Variants in GPR158 observed in about 807,000 individuals in gnomAD.
GPR158 encodes G protein-coupled receptor 158, also known as metabotropic glycine receptor.
GPR158 carries 30 observed loss-of-function variants against 78.2 expected under a neutral mutation model. That is an observed-to-expected ratio of 0.38 (90% CI 0.29 to 0.52). GPR158 has a LOEUF of 0.52. Among genes scored for constraint, GPR158 ranks in the 20% least tolerant of loss-of-function variants. The probability of loss-of-function intolerance (pLI) is 0.83; values close to 1 mark genes in which losing one functional copy is unlikely to be tolerated. For missense variants in GPR158, 1,463 were observed against 1,523.5 expected (o/e 0.96, Z 0.66); for synonymous variants, 581 against 591.1 (o/e 0.98, Z 0.25).
intron 7 of GPR158, among the ~76,000 whole-genome samples, chr10:25,582,397 A>G (rs1837214672): frequency 6.6e-6 from 1 of 152,218 alleles, no homozygotes; most frequent in Admixed American, 6.5e-5. Flanking sequence ...TGTATATGCC[A>G]GAGAGAGAAC....
chr10:25,590,108 G>A (rs955092205), intron 8 of GPR158, among the ~76,000 whole-genome samples: 1 of 152,028 alleles, frequency 6.6e-6, no homozygotes, highest in Non-Finnish European at 1.5e-5. Context: ...TGGGTCTGGG[G>A]GAATTTTGTA....
intron 5 of GPR158, among the ~76,000 whole-genome samples, chr10:25,505,119 A>G (rs188302442): frequency 1.1e-4 from 16 of 152,340 alleles, no homozygotes; most frequent in African/African-American, 3.8e-4. Flanking sequence ...TGTGCCTAAC[A>G]CATAATAGAC....
intron 1 of GPR158, among the ~76,000 whole-genome samples, chr10:25,194,953 T>G (rs1239576285): frequency 6.6e-6 from 1 of 152,184 alleles, no homozygotes; most frequent in Non-Finnish European, 1.5e-5. Context: ...AGTAAAAGAA[T>G]TCTCTGCTTT....
chr10:25,205,813 G>T (rs1183872417), intron 1 of GPR158, among the ~76,000 whole-genome samples: 1 of 148,348 alleles, frequency 6.7e-6, no homozygotes, highest in Non-Finnish European at 1.5e-5. Flanking sequence ...TATCATTTTA[G>T]TTTTTTTTTT....
At chr10:25,299,365 G>A (rs67069034) in intron 2 of GPR158, among the ~76,000 whole-genome samples, 2 of 151,952 alleles carry the variant, frequency 1.3e-5, no homozygotes, top group African/African-American at 4.8e-5. Context: ...AAAACTGTAT[G>A]TTTGTACACT....
At chr10:25,383,704 G>C (rs1834186953) in intron 2 of GPR158, among the ~76,000 whole-genome samples, 1 of 152,056 alleles carries the variant, frequency 6.6e-6, no homozygotes, top group Non-Finnish European at 1.5e-5. Flanking sequence ...GAAGCTTAAT[G>C]ATCCAGCAAA....
intron 2 of GPR158, among the ~76,000 whole-genome samples, chr10:25,325,295 G>A (rs1855013999): frequency 1.3e-5 from 2 of 152,182 alleles, no homozygotes; most frequent in South Asian, 4.1e-4. Context: ...GTGGAATACA[G>A]TGTTTGTCTT....
chr10:25,365,250 TATTTAATTTTCTCCCCATTTAAAC>T (rs1349016651), intron 2 of GPR158, among the ~76,000 whole-genome samples: 10 of 8,342 alleles, frequency 1.2e-3, no homozygotes, highest in Non-Finnish European at 5.0e-3. Context: ...TGATAAACAA[TATTTAATTTTCTCCCCATTTAAAC>T]AATATTTAAT....
At chr10:25,217,154 T>G (rs901441969) in intron 1 of GPR158, among the ~76,000 whole-genome samples, 1 of 152,198 alleles carries the variant, frequency 6.6e-6, no homozygotes, top group African/African-American at 2.4e-5. Flanking sequence ...CTCATAAAAC[T>G]TGCAAAAATA....
intron 3 of GPR158, among the ~76,000 whole-genome samples, chr10:25,401,807 A>G (rs1006156263): frequency 2.0e-5 from 3 of 152,080 alleles, no homozygotes; most frequent in Non-Finnish European, 4.4e-5. Flanking sequence ...TGGTAGAATT[A>G]TTTGTAATTT....
chr10:25,266,160 T>C (rs1564406182), intron 2 of GPR158, among the ~76,000 whole-genome samples: 1 of 152,212 alleles, frequency 6.6e-6, no homozygotes, highest in Non-Finnish European at 1.5e-5. Context: ...TTCAGGAATC[T>C]TGCTCTGACC....
At chr10:25,576,569 G>A (rs903295439) in intron 7 of GPR158, among the ~76,000 whole-genome samples, 8 of 152,148 alleles carry the variant, frequency 5.3e-5, no homozygotes, top group Admixed American at 2.6e-4. Context: ...AGAGAGTAAT[G>A]ACGACCCTGA....
chr10:25,516,889 T>G (rs1588895010), intron 5 of GPR158, among the ~76,000 whole-genome samples: 2 of 137,056 alleles, frequency 1.5e-5, no homozygotes, highest in African/African-American at 5.9e-5. Flanking sequence ...TTAAAGTAGT[T>G]TTTTCCAATT....
rs111455261 is a variant in GPR158 at position 25,317,721 on chromosome 10, T to G, written c.1009-78190T>G. On this transcript the variant is annotated intron_variant, in intron 2 of 10. Transcript: ENST00000376351. ...TTCTGTTTTCTTCGTAAAGTGTTTT[T>G]TTTTGTTTTGTTTTGTTTTGTTTTT... Among the ~76,000 whole-genome samples the G allele has an allele frequency of 1.2e-3, 142 of 119,176 alleles. 1 individual carries two copies. Among genetic ancestry groups the G allele is most frequent in the African/African-American group, 3.6e-3 (78 of 21,940 alleles). The allele number at this position is 119,176 out of a possible 152,430, so 78.2% of individuals were successfully genotyped here.
intron 2 of GPR158, among the ~76,000 whole-genome samples, chr10:25,335,696 G>A (rs1375517696): frequency 6.6e-6 from 1 of 151,932 alleles, no homozygotes; most frequent in Non-Finnish European, 1.5e-5. Context: ...TTAGCATTTT[G>A]TTTATAGTTT....
rs116814232 is a variant in GPR158 at position 25,345,423 on chromosome 10, G to C, written c.1009-50488G>C. On this transcript the variant is annotated intron_variant, in intron 2 of 10. Transcript: ENST00000376351. ...TACTCCATGGGGATTCTAAACCTAA[G>C]TCTGAAAGATATCCATATTTCTATT... Among the ~76,000 whole-genome samples, 1,188 of 151,970 alleles carry C rather than the reference G, an allele frequency of 7.8e-3. 15 individuals are homozygous for C. The highest frequency in any genetic ancestry group is 0.027 in the African/African-American group (1,125 of 41,480).
At chr10:25,230,474 G>A (rs958300740) in intron 2 of GPR158, among the ~76,000 whole-genome samples, 1 of 152,132 alleles carries the variant, frequency 6.6e-6, no homozygotes, top group Non-Finnish European at 1.5e-5. Flanking sequence ...TGTAGATAAA[G>A]TGGAAACACT....
intron 2 of GPR158, among the ~76,000 whole-genome samples, chr10:25,235,904 G>A (rs1157055001): frequency 1.3e-5 from 2 of 151,768 alleles, no homozygotes; most frequent in Admixed American, 6.6e-5. Context: ...CATCATGTTA[G>A]CCAGGATGGT....
intron 3 of GPR158, among the ~76,000 whole-genome samples, chr10:25,410,558 G>C (rs1330156389): frequency 6.6e-6 from 1 of 152,196 alleles, no homozygotes; most frequent in African/African-American, 2.4e-5. Flanking sequence ...AGAGATTGCA[G>C]TGAGCCGAGA....
Sources: gnomAD v4.1 joint callset for allele counts (sites outside exome capture counted in the v4.1 genomes callset) on GRCh38, gnomAD v4.1.1 for gene constraint, MANE v1.5 for transcripts, NCBI Gene and HGNC (gene_info 2026-07-23, HGNC 2026-07-21) for gene names.